Variants in UBR4 observed in about 807,000 individuals in gnomAD.
UBR4 encodes the protein E3 ubiquitin-protein ligase UBR4.
A neutral mutation model predicts 575.6 loss-of-function variants in UBR4; 124 were observed. The ratio of observed to expected loss-of-function variants is 0.22; its 90% CI spans 0.19 to 0.25. The LOEUF (loss-of-function observed/expected upper bound fraction) is 0.25, where lower values mean the gene tolerates loss of function less well. Among genes scored for constraint, UBR4 ranks in the 10% least tolerant of loss-of-function variants. The probability of loss-of-function intolerance (pLI) is 1.00; values close to 1 mark genes in which losing one functional copy is unlikely to be tolerated. For synonymous variants in UBR4, 2,455 were observed against 2,473.7 expected (o/e 0.99, Z 0.22); for missense variants, 4,818 against 6,478.8 (o/e 0.74, Z 8.80).
At chr1:19,113,056 G>A in intron 77 of UBR4, 189 bp from the exon 78 acceptor site, 2 of 613,566 alleles carry the variant, frequency 3.3e-6, no homozygotes, top group South Asian at 2.4e-5. Context: ...GGAGAAAGTG[G>A]CTTGACCAAG....
intron 87 of UBR4, 28 bp from the exon 88 acceptor site, chr1:19,101,669 G>C (rs768426420): frequency 1.9e-6 from 3 of 1,586,174 alleles, no homozygotes; most frequent in Non-Finnish European, 2.6e-6. Context: ...GGCCAAGTTA[G>C]GAAAGAGCCT....
intron 17 of UBR4, among the ~76,000 whole-genome samples, chr1:19,180,250 A>G (rs1970370): frequency 0.67 from 102,057 of 151,756 alleles, 35,180 homozygotes; most frequent in East Asian, 0.81. Context: ...GTGCGGTTGC[A>G]CGATCTCAGC....
At chr1:19,198,248 C>T (rs2092573347) in intron 5 of UBR4, among the ~76,000 whole-genome samples, 199 bp from the exon 6 acceptor site, 1 of 152,122 alleles carries the variant, frequency 6.6e-6, no homozygotes, top group African/African-American at 2.4e-5. Context: ...TATATATGTT[C>T]TATAACCAAA....
intron 1 of UBR4, among the ~76,000 whole-genome samples, chr1:19,205,289 CT>C (rs891929611): frequency 1.6e-3 from 244 of 152,186 alleles, no homozygotes; most frequent in African/African-American, 5.5e-3. Context: ...AAAAATCTAG[CT>C]TTTTAGGAAG....
chr1:19,156,553 T>C lies in UBR4; in HGVS notation c.5920-130A>G. ...TTCAGACAGTATTTAGACTGTCTAG[T>C]AACATTCAGGTTTCATGAACACAAA... On this transcript the variant is annotated intron_variant, in intron 41 of 105. Transcript: ENST00000375254. 2.3e-6 allele frequency: 3 copies of C among 1,282,342 alleles called. No homozygotes were observed. The South Asian group carries it at 4.7e-5, about 20-fold the overall frequency. The allele number at this position is 1,282,342 out of a possible 1,614,324, so 79.4% of individuals were successfully genotyped here.
rs1305865732 is a variant in UBR4, at chr1:19,097,273, G to T, written c.13310C>A (p.Pro4437His). The change falls in exon 91 of 106, where the codon CCC (proline) becomes CAC (histidine). Residue 4437 changes from proline (P) to histidine (H), a missense_variant. Transcript: ENST00000375254. ...KVWCTTNEGE[P>H]MRIVYRMRGL... ...CCGCATACGATAAACAATCCTCATGGGCTCTCCCTGAGCAGAGAAAGTTGG... is the reference window on the plus strand; with the variant it reads ...CCGCATACGATAAACAATCCTCATGTGCTCTCCCTGAGCAGAGAAAGTTGG... 1 of 1,613,066 alleles carries T rather than the reference G, an allele frequency of 6.2e-7. No individual in the cohort carries two copies. Among genetic ancestry groups the T allele is most frequent in the African/African-American group, 1.3e-5 (1 of 74,830 alleles).
intron 22 of UBR4, among the ~76,000 whole-genome samples, chr1:19,173,996 A>G (rs74056774): frequency 0.01 from 1,554 of 152,340 alleles, 24 homozygotes; most frequent in African/African-American, 0.035. Context: ...ATAGAGACAC[A>G]TTAACAGAGC....
At chr1:19,090,125 A>G (rs1168105424) in intron 97 of UBR4, among the ~76,000 whole-genome samples, 3 of 152,150 alleles carry the variant, frequency 2.0e-5, no homozygotes, top group Non-Finnish European at 4.4e-5. Flanking sequence ...CATTCACCTC[A>G]TCACTCATTC....
chr1:19,115,097 C>G, intron 74 of UBR4, 148 bp from the exon 75 acceptor site: 1 of 1,271,990 alleles, frequency 7.9e-7, no homozygotes, highest in Non-Finnish European at 1.1e-6. Flanking sequence ...ATGACTTAAG[C>G]AGCCAGGTAA....
At chr1:19,166,649 G>A (rs571553516) in intron 29 of UBR4, among the ~76,000 whole-genome samples, 99 of 141,026 alleles carry the variant, frequency 7.0e-4, no homozygotes, top group African/African-American at 2.4e-3. Flanking sequence ...AGGCCAAGAT[G>A]GGAGGATCAC....
In UBR4 at chr1:19,173,295, G is replaced by C. The variant is rs1010218754; in HGVS notation, c.3177C>G (p.Ile1059Met). 13 of 1,614,156 alleles carry C rather than the reference G, an allele frequency of 8.1e-6. No individual in the cohort carries two copies. Among genetic ancestry groups the C allele is most frequent in the Middle Eastern group, 3.3e-4 (2 of 6,062 alleles). Residue 1059 changes from isoleucine (I) to methionine (M), a missense_variant, in exon 24 of 106, where the codon ATC becomes ATG. Ile to Met is a conservative substitution (Grantham distance 10, BLOSUM62 1). This residue lies in a region of UBR4 where 1,172 missense variants were observed against 1,259.7 expected (regional missense o/e 0.93). Coordinates refer to ENST00000375254, the MANE Select transcript of UBR4 (RefSeq NM_020765.3). Reference protein sequence around the residue: ...SYVNWIKDHLIKQGMKAEHAS... With the variant: ...SYVNWIKDHLMKQGMKAEHAS... ...CATGCTCAGCCTTCATTCCCTGTTT[G>C]ATAAGGTGATCCTATTTGGACAGCA...
intron 61 of UBR4, 43 bp downstream of exon 61, chr1:19,128,935 T>C (rs778350367): frequency 1.3e-6 from 2 of 1,575,198 alleles, no homozygotes; most frequent in Non-Finnish European, 8.7e-7. Context: ...TTAAGGACGG[T>C]CCAATCATGA....
chr1:19,095,137 T>G (rs2077902314), intron 93 of UBR4, 112 bp from the exon 94 acceptor site: 1 of 1,481,244 alleles, frequency 6.8e-7, no homozygotes, highest in Admixed American at 1.7e-5. Flanking sequence ...AGACCATGTG[T>G]GTATGACCGT....
intron 105 of UBR4, 60 bp downstream of exon 105, chr1:19,076,680 G>T: frequency 6.2e-7 from 1 of 1,609,488 alleles, no homozygotes; most frequent in Admixed American, 1.7e-5. Flanking sequence ...GATGACCCAC[G>T]GAGGAAGACA....
At position 19,202,223 on chromosome 1, in the gene UBR4, A is replaced by T. The variant is rs575628397; in HGVS notation, c.177-408T>A. On this transcript the variant is annotated intron_variant, in intron 1 of 105. Coordinates refer to ENST00000375254, the MANE Select transcript of UBR4 (RefSeq NM_020765.3). ...AAGATTGGGAAGGTGAAGCTTAGAGAATTAAAATTAAATATCTCATTCAAG... is the reference window on the plus strand; with the variant it reads ...AAGATTGGGAAGGTGAAGCTTAGAGTATTAAAATTAAATATCTCATTCAAG... 7.9e-4 allele frequency among the ~76,000 whole-genome samples: 121 copies of T among 152,258 alleles called. 1 individual carries two copies. Among genetic ancestry groups the T allele is most frequent in the African/African-American group, 2.8e-3 (116 of 41,548 alleles).
Position 19,106,611 on chromosome 1 carries a change from G to A in UBR4, c.12351C>T (p.Ser4117=), listed in dbSNP as rs762320980. Residue 4117 remains serine, a synonymous_variant, in exon 83 of 106, where the codon TCC becomes TCT. Transcript: ENST00000375254. The part of the protein sequence containing the change: ...QFLSRRGKRT[S]PLDLKLGHNN... Reference sequence around the variant, plus strand: ...TATGCCCCAGTTTGAGATCCAAGGGGGAGGTCCTCTTCCCCCGACGACTCA... The same window carrying A: ...TATGCCCCAGTTTGAGATCCAAGGGAGAGGTCCTCTTCCCCCGACGACTCA... 6.3e-7 allele frequency: 1 copy of A among 1,597,894 alleles called. No individual in the cohort carries two copies.
intron 60 of UBR4, among the ~76,000 whole-genome samples, chr1:19,129,859 T>C (rs2082231268): frequency 6.6e-6 from 1 of 152,230 alleles, no homozygotes; most frequent in Non-Finnish European, 1.5e-5. Flanking sequence ...GCTGAATAAA[T>C]CAATGGATTC....
chr1:19,134,721 T>C (rs1019697639), intron 60 of UBR4, among the ~76,000 whole-genome samples: 1 of 151,874 alleles, frequency 6.6e-6, no homozygotes, highest in East Asian at 1.9e-4. Context: ...AGACCTCCTC[T>C]GTGGACAGTG....
At chr1:19,205,464 C>T (rs2092958828) in intron 1 of UBR4, among the ~76,000 whole-genome samples, 1 of 152,158 alleles carries the variant, frequency 6.6e-6, no homozygotes, top group Non-Finnish European at 1.5e-5. Context: ...ATCCATTATG[C>T]TTATTCCTAT....
Sources: allele counts gnomAD v4.1 joint callset (sites outside exome capture counted in the v4.1 genomes callset), GRCh38; gene constraint gnomAD v4.1.1; regional missense constraint gnomAD v4.1.1; transcripts MANE v1.5; gene names NCBI Gene and HGNC (gene_info 2026-07-23, HGNC 2026-07-21).